The following SGPP2 variants were observed in gnomAD, a reference collection of about 807,000 sequenced individuals.
The protein encoded by SGPP2 is sphingosine 1-phosphate phosphohydrolase 2.
A neutral mutation model predicts 33.9 loss-of-function variants in SGPP2; 30 were observed. The observed-to-expected ratio is 0.89, with a 90% CI of 0.66 to 1.20. The LOEUF (loss-of-function observed/expected upper bound fraction) is 1.20, where lower values mean the gene tolerates loss of function less well. SGPP2 is among the 50% of genes most tolerant of loss of function. SGPP2 has a pLI of 0.00. For missense variants in SGPP2, 458 were observed against 532.1 expected, an observed-to-expected ratio of 0.86 and a Z score of 1.37; for synonymous variants, 233 against 225.0, an observed-to-expected ratio of 1.04 and a Z score of -0.32.
chr2:222,521,510 G>C (rs1698684724), intron 2 of SGPP2, among the ~76,000 whole-genome samples: 1 of 152,196 alleles, frequency 6.6e-6, no homozygotes, highest in Admixed American at 6.5e-5. Flanking sequence ...CTACGTGTTT[G>C]TTAAATACAA....
chr2:222,487,947 A>T (rs72966781), intron 2 of SGPP2, among the ~76,000 whole-genome samples: 45,514 of 152,102 alleles, frequency 0.3, 7,303 homozygotes, highest in East Asian at 0.52. Flanking sequence ...TCCACAGGAC[A>T]GGAGTGGGGC....
intron 2 of SGPP2, among the ~76,000 whole-genome samples, chr2:222,492,047 G>C (rs998440416): frequency 2.0e-5 from 3 of 152,152 alleles, no homozygotes; most frequent in Admixed American, 2.0e-4. Flanking sequence ...ACATTCGTAA[G>C]AGTGCGCTCC....
intron 2 of SGPP2, among the ~76,000 whole-genome samples, chr2:222,494,240 C>G (rs1698241547): frequency 6.6e-6 from 1 of 152,064 alleles, no homozygotes; most frequent in Non-Finnish European, 1.5e-5. Context: ...TTAAGATTTT[C>G]AAAGGATCCC....
At chr2:222,426,729 G>A (rs3923082) in intron 1 of SGPP2, among the ~76,000 whole-genome samples, 8,478 of 152,274 alleles carry the variant, frequency 0.056, 318 homozygotes, top group Middle Eastern at 0.096. Context: ...TAAATGAAAG[G>A]TTAATTAATG....
intron 2 of SGPP2, among the ~76,000 whole-genome samples, chr2:222,485,976 C>T (rs1698100282): frequency 6.6e-6 from 1 of 152,240 alleles, no homozygotes; most frequent in Non-Finnish European, 1.5e-5. Flanking sequence ...TATTGCTTCT[C>T]TTCCCACTCC....
Position 222,548,559 on chromosome 2 carries a change from A to T in SGPP2, c.649-9788A>T, listed in dbSNP as rs534551790. On this transcript the variant is annotated intron_variant, in intron 4 of 4. Transcript: ENST00000321276. ...GCTCAGAGGACGGTCATGACATGGA[A>T]AAGACATGCTTTCGGTGACAGAGTG... 2.6e-5 allele frequency among the ~76,000 whole-genome samples: 4 copies of T among 152,346 alleles called. No individual in the cohort carries two copies. In the East Asian group the frequency reaches 7.7e-4, roughly 29 times the overall value.
chr2:222,426,875 A>G (rs1339933708), intron 1 of SGPP2, among the ~76,000 whole-genome samples: 1 of 152,166 alleles, frequency 6.6e-6, no homozygotes, highest in Non-Finnish European at 1.5e-5. Context: ...AGTTGTGAAA[A>G]GTGTGCTGCC....
chr2:222,537,559 A>C (rs1431826755), intron 4 of SGPP2, among the ~76,000 whole-genome samples: 1 of 152,224 alleles, frequency 6.6e-6, no homozygotes, highest in African/African-American at 2.4e-5. Flanking sequence ...GATTGGTTTT[A>C]AAAAAAGAAT....
chr2:222,498,410 A>G (rs1698313121), intron 2 of SGPP2: 1 of 152,142 alleles, frequency 6.6e-6, no homozygotes, highest in Non-Finnish European at 1.5e-5. Flanking sequence ...ATGGCAGCCA[A>G]TATATCTGGG....
At chr2:222,470,803 TAACA>T (rs1421028811) in intron 1 of SGPP2, among the ~76,000 whole-genome samples, 1 of 152,194 alleles carries the variant, frequency 6.6e-6, no homozygotes, top group Non-Finnish European at 1.5e-5. Flanking sequence ...TGGGCTAAAA[TAACA>T]AACCTTTATG....
At chr2:222,505,176 G>A (rs1175683070) in intron 2 of SGPP2, among the ~76,000 whole-genome samples, 7 of 152,236 alleles carry the variant, frequency 4.6e-5, no homozygotes, top group Non-Finnish European at 8.8e-5. Context: ...ACACATGCAT[G>A]CATTCTCTCA....
chr2:222,517,432 A>C (rs1450429110), intron 2 of SGPP2, among the ~76,000 whole-genome samples: 1 of 151,688 alleles, frequency 6.6e-6, no homozygotes. Context: ...GGATAACCAA[A>C]CTCCAGGGGA....
In SGPP2 at chr2:222,550,827, G is replaced by T. The variant is rs950254896; in HGVS notation, c.649-7520G>T. Among the ~76,000 whole-genome samples the T allele has an allele frequency of 1.3e-5, 2 of 151,280 alleles. No homozygotes were observed. The highest frequency in any genetic ancestry group is 2.9e-5 in the Non-Finnish European group (2 of 67,988). ...ATGTGTTACTTTTTGGACTTAAATG[G>T]CATGAGCTGAAATAACCCAACAAGA... On this transcript the variant is annotated intron_variant, in intron 4 of 4. Transcript: ENST00000321276. The surrounding 1 kb of genome is among the most constrained non-coding windows in gnomAD (Gnocchi z 4.5).
chr2:222,509,262 T>C (rs1396447590), intron 2 of SGPP2, among the ~76,000 whole-genome samples: 1 of 152,204 alleles, frequency 6.6e-6, no homozygotes, highest in African/African-American at 2.4e-5. Flanking sequence ...TTTGGGGTGA[T>C]GGGTGTCCCA....
intron 2 of SGPP2, among the ~76,000 whole-genome samples, chr2:222,515,090 C>T (rs1054257331): frequency 9.9e-5 from 15 of 151,718 alleles, no homozygotes; most frequent in Non-Finnish European, 1.9e-4. Context: ...CATCATACTG[C>T]ATCTGTTACC....
chr2:222,554,836 G>A (rs749546857), intron 4 of SGPP2, among the ~76,000 whole-genome samples: 24 of 152,118 alleles, frequency 1.6e-4, no homozygotes, highest in Non-Finnish European at 2.6e-4. Flanking sequence ...TTTTCTTTAC[G>A]TGTCTGAAAT....
intron 4 of SGPP2, among the ~76,000 whole-genome samples, chr2:222,546,292 G>A (rs1689197492): frequency 6.6e-6 from 1 of 152,140 alleles, no homozygotes; most frequent in Non-Finnish European, 1.5e-5. Flanking sequence ...TGAAAGCAAA[G>A]GGTCACCCAA....
chr2:222,428,626 C>T (rs766309209), intron 1 of SGPP2, among the ~76,000 whole-genome samples: 6 of 152,050 alleles, frequency 3.9e-5, no homozygotes, highest in East Asian at 1.9e-4. Flanking sequence ...TGTTAATCTA[C>T]GAAACCTTGA....
At chr2:222,456,521 G>A (rs187496265) in intron 1 of SGPP2, among the ~76,000 whole-genome samples, 112 of 152,256 alleles carry the variant, frequency 7.4e-4, no homozygotes, top group Non-Finnish European at 1.2e-3. Context: ...CATTTTCCCC[G>A]TCTCTCCTAC....
Sources: gnomAD v4.1 joint callset for allele counts (sites outside exome capture counted in the v4.1 genomes callset) on GRCh38, gnomAD v4.1.1 for gene constraint, Gnocchi (gnomAD v3.1) non-coding constraint, MANE v1.5 for transcripts, NCBI Gene and HGNC (gene_info 2026-07-23, HGNC 2026-07-21) for gene names.